Variants in FOXN3 observed in about 807,000 individuals in gnomAD.
FOXN3 encodes forkhead box protein N3.
A neutral mutation model predicts 38.4 loss-of-function variants in FOXN3; 7 were observed. The observed-to-expected ratio is 0.18, with a 90% confidence interval of 0.10 to 0.34. FOXN3 has a LOEUF of 0.34. FOXN3 is among the 10% of genes least tolerant of loss of function. The pLI, the probability that FOXN3 is intolerant of heterozygous loss-of-function variation, is 1.00. For synonymous variants in FOXN3, 230 were observed against 242.2 expected, an observed-to-expected ratio of 0.95 and a Z score of 0.47; for missense variants, 456 against 613.4, an observed-to-expected ratio of 0.74 and a Z score of 2.71.
chr14:89,608,487 A>G (rs1896324725), intron 1 of FOXN3, among the ~76,000 whole-genome samples: 2 of 152,246 alleles, frequency 1.3e-5, no homozygotes, highest in African/African-American at 2.4e-5. Context: ...TCCACAGCAT[A>G]CATACATATA....
chr14:89,190,788 C>G (rs1887921651), intron 4 of FOXN3, among the ~76,000 whole-genome samples: 1 of 152,166 alleles, frequency 6.6e-6, no homozygotes, highest in Non-Finnish European at 1.5e-5. Context: ...GCAGGAGAGT[C>G]AGTGACAATA....
intron 2 of FOXN3, among the ~76,000 whole-genome samples, chr14:89,388,501 G>A (rs944284827): frequency 1.3e-5 from 2 of 152,140 alleles, no homozygotes; most frequent in Non-Finnish European, 2.9e-5. Context: ...GAGAATGAAT[G>A]CGCCATTGAC....
intron 4 of FOXN3, among the ~76,000 whole-genome samples, chr14:89,212,311 G>A (rs1201633730): frequency 2.6e-5 from 4 of 152,198 alleles, no homozygotes; most frequent in South Asian, 2.1e-4. Context: ...TTCAAACTGC[G>A]GAGGTTGGGA....
intron 4 of FOXN3, among the ~76,000 whole-genome samples, chr14:89,194,486 C>T (rs1363783858): frequency 6.6e-6 from 1 of 152,122 alleles, no homozygotes; most frequent in Non-Finnish European, 1.5e-5. Flanking sequence ...CCTAATGAGT[C>T]TGACATCCTT....
At chr14:89,224,714 C>G (rs1334913480) in intron 4 of FOXN3, among the ~76,000 whole-genome samples, 1 of 152,074 alleles carries the variant, frequency 6.6e-6, no homozygotes, top group Non-Finnish European at 1.5e-5. Flanking sequence ...TACAGAAATT[C>G]AAAGAACATA....
chr14:89,609,215 T>C (rs1896342605), intron 1 of FOXN3, among the ~76,000 whole-genome samples: 1 of 152,162 alleles, frequency 6.6e-6, no homozygotes, highest in Non-Finnish European at 1.5e-5. Context: ...TCAAGATTCT[T>C]TTTCGAGACA....
chr14:89,340,300 T>C (rs1453452621), intron 3 of FOXN3, among the ~76,000 whole-genome samples: 2 of 152,164 alleles, frequency 1.3e-5, no homozygotes, highest in African/African-American at 2.4e-5. Flanking sequence ...TGACCAAAAC[T>C]TTCCATTTAA....
rs567691324 is a variant in FOXN3, at chr14:89,243,890, C to T, written c.745+37060G>A. 7.9e-5 allele frequency among the ~76,000 whole-genome samples: 12 copies of T among 152,286 alleles called. No homozygotes were observed. The East Asian group carries it at 2.1e-3, about 27-fold the overall frequency. On this transcript the variant is annotated intron_variant, in intron 4 of 5. Coordinates refer to ENST00000557258, the MANE Select transcript of FOXN3 (RefSeq NM_005197.4). ...GCGCCCGCCAATGAAACCACATAAG[C>T]CCTCCCTCCGGGATGCATCAGTTCA...
At chr14:89,375,105 T>C (rs1285263449) in intron 2 of FOXN3, among the ~76,000 whole-genome samples, 2 of 151,348 alleles carry the variant, frequency 1.3e-5, no homozygotes, top group African/African-American at 4.9e-5. Flanking sequence ...GGTGGAGGGG[T>C]AGGAGATTGA....
chr14:89,233,951 G>A (rs1171094517), intron 4 of FOXN3, among the ~76,000 whole-genome samples: 1 of 152,220 alleles, frequency 6.6e-6, no homozygotes, highest in Non-Finnish European at 1.5e-5. Context: ...ATCAGAAAGA[G>A]CCTGTGCCTG....
chr14:89,462,445 T>C (rs1448623666), intron 1 of FOXN3, among the ~76,000 whole-genome samples: 1 of 152,240 alleles, frequency 6.6e-6, no homozygotes, highest in Non-Finnish European at 1.5e-5. Flanking sequence ...GTGTAGGATC[T>C]TACTCTATTT....
intron 4 of FOXN3, among the ~76,000 whole-genome samples, chr14:89,255,089 C>T (rs9672096): frequency 0.03 from 4,527 of 152,288 alleles, 197 homozygotes; most frequent in African/African-American, 0.1. Flanking sequence ...CTATAAAGCT[C>T]TCTCTGAACA....
chr14:89,381,899 C>T (rs566730941), intron 2 of FOXN3, among the ~76,000 whole-genome samples: 2 of 151,918 alleles, frequency 1.3e-5, no homozygotes, highest in East Asian at 1.9e-4. Flanking sequence ...GAGGGAGGGG[C>T]GGCAATGCCC....
At chr14:89,299,153 G>C (rs1169034135) in intron 3 of FOXN3, among the ~76,000 whole-genome samples, 2 of 152,194 alleles carry the variant, frequency 1.3e-5, no homozygotes, top group African/African-American at 2.4e-5. Flanking sequence ...ATATGGTTTG[G>C]CTGTGTCCCT....
chr14:89,471,484 A>T (rs1317814278), intron 1 of FOXN3, among the ~76,000 whole-genome samples: 1 of 152,128 alleles, frequency 6.6e-6, no homozygotes, highest in African/African-American at 2.4e-5. Flanking sequence ...ACACACCTGT[A>T]GGAGTGGGAG....
At chr14:89,447,131 G>T (rs926962254) in intron 1 of FOXN3, among the ~76,000 whole-genome samples, 1 of 151,804 alleles carries the variant, frequency 6.6e-6, no homozygotes, top group African/African-American at 2.4e-5. Flanking sequence ...GGGAGGCAGA[G>T]GTTGCAGTGA....
intron 2 of FOXN3, among the ~76,000 whole-genome samples, chr14:89,384,342 T>C (rs1890737608): frequency 6.6e-6 from 1 of 152,200 alleles, no homozygotes; most frequent in South Asian, 2.1e-4. Flanking sequence ...GCCTGTGAAA[T>C]GCTGAAGTGA....
chr14:89,294,986 C>G (rs1886991637), intron 3 of FOXN3, among the ~76,000 whole-genome samples: 1 of 152,164 alleles, frequency 6.6e-6, no homozygotes, highest in Non-Finnish European at 1.5e-5. Context: ...GGACCCCTTT[C>G]CTGTAACAAA....
chr14:89,246,451 G>A (rs913576222), intron 4 of FOXN3, among the ~76,000 whole-genome samples: 2 of 150,770 alleles, frequency 1.3e-5, no homozygotes, highest in Non-Finnish European at 3.0e-5. Context: ...ACAATGAAGA[G>A]TAATTCTACA....
Sources: gnomAD v4.1 joint callset for allele counts (sites outside exome capture counted in the v4.1 genomes callset) on GRCh38, gnomAD v4.1.1 for gene constraint, MANE v1.5 for transcripts, NCBI Gene and HGNC (gene_info 2026-07-23, HGNC 2026-07-21) for gene names.